Variants in CUX1 observed in about 807,000 individuals in gnomAD.
CUX1 encodes cut like homeobox 1, also known as protein CASP.
CUX1 carries 31 observed loss-of-function variants against 158.8 expected under a neutral mutation model. The ratio of observed to expected loss-of-function variants is 0.20; its 90% confidence interval spans 0.15 to 0.26. The LOEUF (loss-of-function observed/expected upper bound fraction) is 0.26. Ranked by LOEUF, CUX1 falls within the 10% of genes least tolerant of loss-of-function variation. The pLI, the probability that CUX1 is intolerant of heterozygous loss-of-function variation, is 1.00. For synonymous variants in CUX1, 879 were observed against 862.1 expected, an observed-to-expected ratio of 1.02 and a Z score of -0.34; for missense variants, 1,589 against 2,014.6, an observed-to-expected ratio of 0.79 and a Z score of 4.04.
intron 1 of CUX1, chr7:101,913,132 A>ATG (rs532794112): frequency 1.4e-4 from 31 of 227,434 alleles, no homozygotes; most frequent in Admixed American, 5.4e-4. Flanking sequence ...ACTGGTTTTT[A>ATG]TGTGTGTGTG....
chr7:102,154,679 C>G (rs1836069571), intron 8 of CUX1, among the ~76,000 whole-genome samples: 1 of 151,820 alleles, frequency 6.6e-6, no homozygotes, highest in Non-Finnish European at 1.5e-5. Flanking sequence ...CAGAAGGCAG[C>G]AAGAAAAGGA....
chr7:102,020,680 G>A (rs979260713), intron 2 of CUX1, among the ~76,000 whole-genome samples: 5 of 152,128 alleles, frequency 3.3e-5, no homozygotes, highest in South Asian at 4.1e-4. Context: ...AGGAGTTCAA[G>A]ACCAGCCTGG....
chr7:102,117,304 A>T (rs1554492080), intron 8 of CUX1, among the ~76,000 whole-genome samples: 1 of 149,966 alleles, frequency 6.7e-6, no homozygotes, highest in Non-Finnish European at 1.5e-5. Flanking sequence ...TGGCTGAGGC[A>T]GGAGAATCGC....
chr7:102,087,993 A>G (rs1430594868), intron 4 of CUX1, among the ~76,000 whole-genome samples: 1 of 145,588 alleles, frequency 6.9e-6, no homozygotes, highest in African/African-American at 2.7e-5. Flanking sequence ...AAATACCTTA[A>G]TCTCACCCTT....
chr7:101,896,624 G>A (rs1015287454), intron 1 of CUX1, among the ~76,000 whole-genome samples: 3 of 152,160 alleles, frequency 2.0e-5, no homozygotes, highest in Admixed American at 1.3e-4. Context: ...CACAGCTACC[G>A]TCACTAATAT....
At chr7:102,107,366 C>T (rs1326175660) in intron 6 of CUX1, among the ~76,000 whole-genome samples, 1 of 151,912 alleles carries the variant, frequency 6.6e-6, no homozygotes, top group East Asian at 1.9e-4. Context: ...TGGTGAAACC[C>T]CATCTCTACT....
At chr7:101,999,217 CTTTTT>C (rs3988167) in intron 2 of CUX1, among the ~76,000 whole-genome samples, 4 of 85,834 alleles carry the variant, frequency 4.7e-5, no homozygotes, top group Non-Finnish European at 8.2e-5. Context: ...TTTTTTTTAC[CTTTTT>C]TTTTTTTTTT....
chr7:102,049,339 GC>G (rs1216711256), intron 3 of CUX1, among the ~76,000 whole-genome samples: 1 of 152,226 alleles, frequency 6.6e-6, no homozygotes, highest in Non-Finnish European at 1.5e-5. Flanking sequence ...CAGCAGCTCA[GC>G]CCGGAGGGGA....
At chr7:101,892,898 C>G (rs1172770660) in intron 1 of CUX1, among the ~76,000 whole-genome samples, 1 of 151,876 alleles carries the variant, frequency 6.6e-6, no homozygotes, top group Non-Finnish European at 1.5e-5. Flanking sequence ...TCCAGAAACC[C>G]TTTCTCTTTT....
At chr7:102,050,491 C>T (rs937685286) in intron 3 of CUX1, among the ~76,000 whole-genome samples, 5 of 152,080 alleles carry the variant, frequency 3.3e-5, no homozygotes, top group African/African-American at 9.7e-5. Flanking sequence ...TTGCCTCTGG[C>T]CTGGGCCCGT....
At chr7:101,884,225 G>A (rs1800001714) in intron 1 of CUX1, among the ~76,000 whole-genome samples, 2 of 152,188 alleles carry the variant, frequency 1.3e-5, no homozygotes, top group African/African-American at 4.8e-5. Flanking sequence ...CATAATAGTT[G>A]TACATATTCA....
chr7:101,825,782 TGTGTGTGTGTGTGTGTGCGCGC>T (rs1562890792), intron 1 of CUX1, among the ~76,000 whole-genome samples: 1 of 100,512 alleles, frequency 9.9e-6, no homozygotes, highest in African/African-American at 4.6e-5. Context: ...TGTGTGTGTG[TGTGTGTGTGTGTGTGTGCGCGC>T]GCGCGCGCAG....
At chr7:102,278,695 AAAT>A (rs1239274833) in intron 18 of CUX1, among the ~76,000 whole-genome samples, 4 of 147,486 alleles carry the variant, frequency 2.7e-5, no homozygotes, top group Non-Finnish European at 6.0e-5. Context: ...AAATAAAATA[AAAT>A]AATAAAATAG....
intron 2 of CUX1, among the ~76,000 whole-genome samples, chr7:102,003,216 G>A (rs1410251282): frequency 3.3e-5 from 5 of 151,722 alleles, no homozygotes; most frequent in Admixed American, 6.6e-5. Context: ...ACTCTCTAGA[G>A]AGGCCCCTTG....
At chr7:102,149,741 A>G (rs141373059) in intron 8 of CUX1, among the ~76,000 whole-genome samples, 1 of 152,074 alleles carries the variant, frequency 6.6e-6, no homozygotes, top group African/African-American at 2.4e-5. Context: ...AGCTTTTCCT[A>G]TAGGTTTGTC....
At chr7:101,874,362 G>A (rs1230159480) in intron 1 of CUX1, among the ~76,000 whole-genome samples, 1 of 152,212 alleles carries the variant, frequency 6.6e-6, no homozygotes, top group African/African-American at 2.4e-5. Context: ...AAGGCAGATA[G>A]TATTAACTCC....
At chr7:101,965,534 A>C (rs1041693540) in intron 2 of CUX1, among the ~76,000 whole-genome samples, 15 of 151,744 alleles carry the variant, frequency 9.9e-5, no homozygotes, top group Admixed American at 5.3e-4. Context: ...AGAAAAATGG[A>C]CTTTGTTGCC....
Position 102,251,593 on chromosome 7 carries a change from A to G in CUX1, c.*2551A>G. On this transcript the variant is annotated 3_prime_UTR_variant, in exon 24 of 24. Coordinates refer to ENST00000292535, the MANE Select transcript of CUX1 (RefSeq NM_181552.4). ...CAGGGAGAAGAGAATTCAAAATTAG[A>G]GGAGCTTAAGGGGACACGGGTCAAC... 5 of 985,410 alleles carry G rather than the reference A, an allele frequency of 5.1e-6. No individual in the cohort carries two copies. The highest frequency in any genetic ancestry group is 6.0e-6 in the Non-Finnish European group (5 of 829,930). 61.0% of individuals were successfully genotyped at this position (985,410 alleles called of 1,614,324 possible). A position where few individuals can be genotyped will look rare whatever the true frequency, so the allele number is the denominator to read the frequency against.
chr7:102,193,327 TATGGA>T (rs1794474070), intron 12 of CUX1, among the ~76,000 whole-genome samples: 1 of 152,246 alleles, frequency 6.6e-6, no homozygotes, highest in Non-Finnish European at 1.5e-5. Context: ...TGTGATTCCA[TATGGA>T]ATGATTTACA....
Sources: gnomAD v4.1 joint callset for allele counts (sites outside exome capture counted in the v4.1 genomes callset) on GRCh38, gnomAD v4.1.1 for gene constraint, MANE v1.5 for transcripts, NCBI Gene and HGNC (gene_info 2026-07-23, HGNC 2026-07-21) for gene names.